ZNF69: variants seen among roughly 807,000 people sequenced by gnomAD.
ZNF69 encodes the protein ZNF3.
Under a neutral mutation model 50.9 loss-of-function variants are expected in ZNF69, and 47 were observed. The observed-to-expected ratio is 0.92, with a 90% CI of 0.73 to 1.18. The LOEUF is 1.18. Among genes scored for constraint, ZNF69 ranks in the 50% most tolerant of loss-of-function variants. ZNF69 has a pLI of 0.00. For synonymous variants in ZNF69, 216 were observed against 223.1 expected, an observed-to-expected ratio of 0.97 and a Z score of 0.29; for missense variants, 717 against 675.1, an observed-to-expected ratio of 1.06 and a Z score of -0.69.
the ZNF69 span, among the ~76,000 whole-genome samples, chr19:11,974,068 CT>C: frequency 8.5e-5 from 11 of 129,014 alleles, no homozygotes; most frequent in African/African-American, 3.4e-4. Flanking sequence ...TTCCTTCTTT[CT>C]TTTCTTTCTT....
chr19:11,936,928 C>G, the ZNF69 span, among the ~76,000 whole-genome samples: 5 of 152,138 alleles, frequency 3.3e-5, no homozygotes, highest in Admixed American at 6.6e-5. Flanking sequence ...CTCCCAGCAC[C>G]ATTTATTAAA....
chr19:11,929,028 A>C, the ZNF69 span, among the ~76,000 whole-genome samples: 2 of 148,704 alleles, frequency 1.3e-5, 1 homozygote, highest in Admixed American at 1.3e-4. Context: ...GGTAGGAAAG[A>C]AGGCGAATCT....
the ZNF69 span, among the ~76,000 whole-genome samples, chr19:11,963,088 A>AGAGTGTGTGTGT: frequency 1.0e-4 from 14 of 138,312 alleles, no homozygotes; most frequent in South Asian, 4.4e-4. Flanking sequence ...AGAGAGAGAG[A>AGAGTGTGTGTGT]GTGTGTGTGT....
the ZNF69 span, chr19:11,979,103 C>T: frequency 6.2e-7 from 1 of 1,613,826 alleles, no homozygotes; most frequent in African/African-American, 1.3e-5. Flanking sequence ...GGAGAAAGAC[C>T]TTATAAATGT....
Position 11,905,152 on chromosome 19 carries a change from A to C in ZNF69, c.755A>C (p.Gln252Pro). The change falls in exon 4 of 4, where the codon CAA becomes CCA. Residue 252 changes from glutamine to proline, a missense_variant. Coordinates refer to ENST00000429654, the MANE Select transcript of ZNF69 (RefSeq NM_001364730.1). Reference protein sequence around the residue: ...HTGEKPYECKQCGKSFSYSAT... With the variant: ...HTGEKPYECKPCGKSFSYSAT... ...GGAGAGAAACCATATGAATGTAAAC[A>C]ATGTGGTAAATCCTTTAGTTATTCT... 2 of 1,614,196 alleles carry C rather than the reference A, an allele frequency of 1.2e-6. No homozygotes were observed. The highest frequency in any genetic ancestry group is 1.7e-6 in the Non-Finnish European group (2 of 1,180,036).
chr19:11,915,777 G>A (rs1003643186), downstream of ZNF69, among the ~76,000 whole-genome samples: 8 of 152,308 alleles, frequency 5.3e-5, no homozygotes, highest in South Asian at 2.1e-4. Flanking sequence ...AGTGGCTCAC[G>A]CCTGTAATCC....
rs746636522 is a variant in ZNF69, at chr19:11,905,367, A to G, written c.970A>G (p.Arg324Gly). 2.5e-6 allele frequency: 4 copies of G among 1,614,066 alleles called. No individual in the cohort carries two copies. The African/African-American group carries it at 4.0e-5, about 16-fold the overall frequency. The change falls in exon 4 of 4, where the codon AGG becomes GGG. Residue 324 changes from arginine to glycine, a missense_variant. Physicochemically the swap from Arg to Gly is moderately radical, Grantham distance 125. Transcript: ENST00000429654. ...TCCCCAGTATGTTCGTATACATGAA[A>G]GGACCCACTCTAGGAAAAAACCCTA... ...TCPQYVRIHERTHSRKKPYEC... is the reference protein window; with the variant it reads ...TCPQYVRIHEGTHSRKKPYEC...
chr19:11,976,972 A>G, the ZNF69 span: 8 of 1,592,820 alleles, frequency 5.0e-6, no homozygotes, highest in Admixed American at 5.7e-5. Flanking sequence ...CTTCTTGGGA[A>G]TAGAGTCTAG....
chr19:11,941,250 C>T, the ZNF69 span, among the ~76,000 whole-genome samples: 1 of 152,264 alleles, frequency 6.6e-6, no homozygotes, highest in African/African-American at 2.4e-5. Context: ...GATCCTGCAC[C>T]AGGGCTGCAG....
At chr19:11,944,322 T>TTAAA in the ZNF69 span, among the ~76,000 whole-genome samples, 26,088 of 151,994 alleles carry the variant, frequency 0.17, 4,728 homozygotes, top group African/African-American at 0.46. Context: ...AAATTTAATC[T>TTAAA]TAATACCACA....
chr19:11,890,680 G>A (rs1024398467), intron 1 of ZNF69, among the ~76,000 whole-genome samples: 22 of 152,070 alleles, frequency 1.4e-4, no homozygotes, highest in Admixed American at 5.9e-4. Flanking sequence ...GGCTGTTCTC[G>A]AACTCCTGAC....
At chr19:11,973,106 G>A in the ZNF69 span, among the ~76,000 whole-genome samples, 2 of 150,048 alleles carry the variant, frequency 1.3e-5, no homozygotes, top group Admixed American at 6.6e-5. Flanking sequence ...ACAACTACAT[G>A]TGTCTTGTAT....
In ZNF69 at chr19:11,905,298, G is replaced by T. The variant is rs975024818; in HGVS notation, c.901G>T (p.Glu301Ter). 6.2e-7 allele frequency: 1 copy of T among 1,614,174 alleles called. No individual in the cohort carries two copies. Residue 301 changes from glutamate to a stop codon, truncating the protein, a stop_gained, in exon 4 of 4, where the codon GAG becomes TAG. Coordinates refer to ENST00000429654, the MANE Select transcript of ZNF69 (RefSeq NM_001364730.1). LOFTEE classifies it high-confidence loss of function. ...TAGACATGAAAGGATTCACACGGGA[G>T]AGAAGGCTTATCAATGTAAGGAATG... is the stretch of plus-strand genomic sequence containing the variant. ...YRRHERIHTGEKAYQCKECGK... is the reference protein window; with the variant it reads ...YRRHERIHTG
At chr19:11,897,408 C>T (rs1171343108) in intron 1 of ZNF69, among the ~76,000 whole-genome samples, 3 of 151,916 alleles carry the variant, frequency 2.0e-5, no homozygotes, top group Non-Finnish European at 4.4e-5. Flanking sequence ...ACATGGCAAA[C>T]TTTGCCTATA....
rs1972369598 is a variant in ZNF69, at chr19:11,906,111, A to G, written c.*13A>G. ...GTGTAAGCAATGAGGGAAAGCCTTCAGATCTGCCTCACACCTTTGAATGCA... is the reference window on the plus strand; with the variant it reads ...GTGTAAGCAATGAGGGAAAGCCTTCGGATCTGCCTCACACCTTTGAATGCA... On this transcript the variant is annotated 3_prime_UTR_variant, in exon 4 of 4. Transcript: ENST00000429654. 2 of 1,608,352 alleles carry G rather than the reference A, an allele frequency of 1.2e-6. No individual in the cohort carries two copies. Among genetic ancestry groups the G allele is most frequent in the Non-Finnish European group, 1.7e-6 (2 of 1,178,276 alleles).
chr19:11,936,056 C>T, the ZNF69 span, among the ~76,000 whole-genome samples: 6 of 152,094 alleles, frequency 3.9e-5, no homozygotes, highest in Non-Finnish European at 8.8e-5. Flanking sequence ...TTTATGGCTG[C>T]GTAGTATTCC....
intron 1 of ZNF69, among the ~76,000 whole-genome samples, chr19:11,901,461 C>T (rs1190133489): frequency 6.6e-6 from 1 of 152,104 alleles, no homozygotes; most frequent in Non-Finnish European, 1.5e-5. Flanking sequence ...TGTCAGATGC[C>T]TTTTCTGCCT....
the ZNF69 span, among the ~76,000 whole-genome samples, chr19:11,938,694 A>G: frequency 1.7e-3 from 257 of 152,316 alleles, 3 homozygotes; most frequent in African/African-American, 5.8e-3. Context: ...ATACATGTGC[A>G]TGTGTCTTTA....
intron 1 of ZNF69, among the ~76,000 whole-genome samples, chr19:11,888,300 C>T (rs1280259697): frequency 6.6e-6 from 1 of 152,240 alleles, no homozygotes; most frequent in Non-Finnish European, 1.5e-5. Flanking sequence ...GTGATCCCGA[C>T]TCGGGTGTGG....
Sources: gnomAD v4.1 joint callset for allele counts (sites outside exome capture counted in the v4.1 genomes callset) on GRCh38, gnomAD v4.1.1 for gene constraint, MANE v1.5 for transcripts, NCBI Gene and HGNC (gene_info 2026-07-23, HGNC 2026-07-21) for gene names.